The following VGLL4 variants were observed in gnomAD, a reference collection of about 807,000 sequenced individuals.
VGLL4 encodes transcription cofactor vestigial-like protein 4.
Under a neutral mutation model 21.0 loss-of-function variants are expected in VGLL4, and 7 were observed. The ratio of observed to expected loss-of-function variants is 0.33; its 90% CI spans 0.19 to 0.63. The LOEUF is 0.63. VGLL4 is among the 20% of genes least tolerant of loss of function. The probability of loss-of-function intolerance (pLI) is 0.78; values close to 1 mark genes in which losing one functional copy is unlikely to be tolerated. For missense variants in VGLL4, 394 were observed against 425.7 expected (o/e 0.93, Z 0.66); for synonymous variants, 222 against 173.2 (o/e 1.28, Z -2.21).
At chr3:11,571,298 A>C (rs1302628246) in intron 2 of VGLL4, among the ~76,000 whole-genome samples, 1 of 152,160 alleles carries the variant, frequency 6.6e-6, no homozygotes, top group Non-Finnish European at 1.5e-5. Context: ...AAAGCCACCA[A>C]AAAGTCAAGG....
intron 2 of VGLL4, among the ~76,000 whole-genome samples, chr3:11,567,337 T>TATAG (rs1378330950): frequency 6.6e-6 from 1 of 152,198 alleles, no homozygotes; most frequent in Admixed American, 6.5e-5. Context: ...GTATATTGAT[T>TATAG]ATAGGGTGAT....
At chr3:11,721,062 T>C (rs1030689223), upstream of VGLL4, 3 of 152,210 alleles carry the variant, frequency 2.0e-5, no homozygotes, top group Non-Finnish European at 2.9e-5. Flanking sequence ...TTAAAAGGCT[T>C]CATGTTGCTT....
At chr3:11,697,255 C>T (rs2076618250) in intron 2 of VGLL4, among the ~76,000 whole-genome samples, 1 of 151,730 alleles carries the variant, frequency 6.6e-6, no homozygotes, top group Non-Finnish European at 1.5e-5. Context: ...CACACACCAC[C>T]ACACCCAGCT....
intron 2 of VGLL4, among the ~76,000 whole-genome samples, chr3:11,583,517 T>C (rs1235105047): frequency 6.6e-6 from 1 of 152,228 alleles, no homozygotes; most frequent in East Asian, 1.9e-4. Context: ...ATTTAAACTT[T>C]TCTGATTTCA....
intron 2 of VGLL4, among the ~76,000 whole-genome samples, chr3:11,579,127 CA>C (rs1382005131): frequency 6.7e-6 from 1 of 149,252 alleles, no homozygotes; most frequent in African/African-American, 2.5e-5. Context: ...TGTTAATTCT[CA>C]ACATGAACTG....
chr3:11,701,687 C>T (rs1575544536), intron 2 of VGLL4, among the ~76,000 whole-genome samples: 1 of 152,176 alleles, frequency 6.6e-6, no homozygotes, highest in Non-Finnish European at 1.5e-5. Flanking sequence ...AAAAGTCTAA[C>T]AGCCAGTAGA....
At chr3:11,646,382 C>T (rs2075793330), upstream of VGLL4, among the ~76,000 whole-genome samples, 1 of 152,066 alleles carries the variant, frequency 6.6e-6, no homozygotes, top group African/African-American at 2.4e-5. Flanking sequence ...ATCATTGTCC[C>T]ACATGGAAGA....
intron 2 of VGLL4, among the ~76,000 whole-genome samples, chr3:11,663,446 C>T (rs188368652): frequency 3.9e-5 from 6 of 152,196 alleles, no homozygotes; most frequent in African/African-American, 1.4e-4. Flanking sequence ...AGGCAAGGCG[C>T]GGTGGCTCAC....
In VGLL4 at chr3:11,569,678, G is replaced by A. The variant is rs549588312; in HGVS notation, c.273-4659C>T. On this transcript the variant is annotated intron_variant, in intron 2 of 4. Coordinates refer to ENST00000430365, the MANE Select transcript of VGLL4 (RefSeq NM_001128219.3). ...AGTTACAGGAGAATCCGACATCTGA[G>A]AACTGGCAGGACAGCCAGTCGTTCA... Among the ~76,000 whole-genome samples, 152 of 152,326 alleles carry A rather than the reference G, an allele frequency of 1.0e-3. 1 individual carries two copies. The highest frequency in any genetic ancestry group is 3.6e-3 in the African/African-American group (151 of 41,580).
chr3:11,671,020 G>C (rs1399353803), intron 2 of VGLL4, among the ~76,000 whole-genome samples: 8 of 152,218 alleles, frequency 5.3e-5, no homozygotes, highest in African/African-American at 1.7e-4. Context: ...CTGGACGACA[G>C]AGATTCCGTC....
intron 2 of VGLL4, among the ~76,000 whole-genome samples, chr3:11,589,362 C>T (rs2074431947): frequency 6.6e-6 from 1 of 152,068 alleles, no homozygotes; most frequent in Non-Finnish European, 1.5e-5. Flanking sequence ...TTTCTCTGGC[C>T]TCAGTGAATT....
intron 2 of VGLL4, among the ~76,000 whole-genome samples, chr3:11,595,997 GATAAA>G (rs1023200376): frequency 3.3e-5 from 5 of 151,248 alleles, no homozygotes; most frequent in African/African-American, 9.7e-5. Flanking sequence ...AATAAAATAA[GATAAA>G]ATAAAAAAAA....
chr3:11,556,319 C>G lies in VGLL4; in HGVS notation c.*2237G>C, dbSNP rs1311849890. The G allele has an allele frequency of 1.3e-5, 2 of 152,872 alleles. No homozygotes were observed. Among genetic ancestry groups the G allele is most frequent in the East Asian group, 3.8e-4 (2 of 5,308 alleles). 9.5% of individuals were successfully genotyped at this position (152,872 alleles called of 1,614,324 possible). ...GAAATGTTTGGTTTTCTGCTGCCTC[C>G]TCTGCCCCAGGCCCCCCTCCAGGGT... is the stretch of plus-strand genomic sequence containing the variant. On this transcript the variant is annotated 3_prime_UTR_variant, in exon 5 of 5. Transcript: ENST00000430365.
chr3:11,670,907 C>T lies in VGLL4; in HGVS notation c.64+32064G>A, dbSNP rs186844790. On this transcript the variant is annotated intron_variant, in intron 2 of 5. Transcript: ENST00000273038. ...ACAAAATTAGCAAGGTGTGGTGGCG[C>T]ATGCCTGTAATTGCAGCTACTCGGG... is the stretch of plus-strand genomic sequence containing the variant. Among the ~76,000 whole-genome samples, 135 of 152,016 alleles carry T rather than the reference C, an allele frequency of 8.9e-4. No individual in the cohort carries two copies. In the Middle Eastern group the frequency reaches 0.02, roughly 23 times the overall value.
chr3:11,581,617 T>C (rs2074230728), intron 2 of VGLL4, among the ~76,000 whole-genome samples: 1 of 152,152 alleles, frequency 6.6e-6, no homozygotes, highest in Admixed American at 6.5e-5. Context: ...TCATTTTCTA[T>C]TAAATGTGAA....
chr3:11,654,578 C>T (rs1046383416), intron 2 of VGLL4, among the ~76,000 whole-genome samples: 4 of 152,154 alleles, frequency 2.6e-5, no homozygotes, highest in African/African-American at 7.2e-5. Flanking sequence ...GCAAATAAAA[C>T]GAGGTATGAG....
Position 11,613,033 on chromosome 3 carries a change from T to C in VGLL4, c.83-11011A>G, listed in dbSNP as rs193233096. ...TTTCCTCCCTGGTAGAGCTTATAAATGTTTAGAAGGAGTAGCTGGATGAGG... is the reference window on the plus strand; with the variant it reads ...TTTCCTCCCTGGTAGAGCTTATAAACGTTTAGAAGGAGTAGCTGGATGAGG... On this transcript the variant is annotated intron_variant, in intron 1 of 4. Transcript: ENST00000430365. Among the ~76,000 whole-genome samples, 891 of 151,750 alleles carry C rather than the reference T, an allele frequency of 5.9e-3. 10 individuals are homozygous for C. The highest frequency in any genetic ancestry group is 9.5e-3 in the Non-Finnish European group (645 of 67,938).
chr3:11,590,254 G>A (rs1485268253), intron 2 of VGLL4, among the ~76,000 whole-genome samples: 1 of 152,176 alleles, frequency 6.6e-6, no homozygotes, highest in African/African-American at 2.4e-5. Context: ...ACCATCCCTA[G>A]TTGGGTTCAA....
chr3:11,616,690 T>G (rs150923308), intron 1 of VGLL4, among the ~76,000 whole-genome samples: 2 of 152,328 alleles, frequency 1.3e-5, no homozygotes, highest in East Asian at 3.9e-4. Flanking sequence ...GTATACAATT[T>G]AGGACTGGCA....
Sources: allele counts gnomAD v4.1 joint callset (sites outside exome capture counted in the v4.1 genomes callset), GRCh38; gene constraint gnomAD v4.1.1; transcripts MANE v1.5; gene names NCBI Gene and HGNC (gene_info 2026-07-23, HGNC 2026-07-21).